Variants in RBM23 observed in about 807,000 individuals in gnomAD.
RBM23 encodes the protein RNA binding motif protein 23, also known as probable RNA-binding protein 23.
A neutral mutation model predicts 56.2 loss-of-function variants in RBM23; 53 were observed. The ratio of observed to expected loss-of-function variants is 0.94; its 90% CI spans 0.76 to 1.19. The LOEUF (loss-of-function observed/expected upper bound fraction) is 1.19, where lower values mean the gene tolerates loss of function less well. RBM23 is among the 50% of genes most tolerant of loss of function. The pLI is 0.00. For missense variants in RBM23, 642 were observed against 590.3 expected (o/e 1.09, Z -0.91); for synonymous variants, 197 against 198.5 (o/e 0.99, Z 0.06).
chr14:22,910,491 A>AGCGGTGGGG, intron 2 of RBM23, among the ~76,000 whole-genome samples: 1 of 139,308 alleles, frequency 7.2e-6, no homozygotes, highest in Non-Finnish European at 1.6e-5. Flanking sequence ...GAAAAAAGAA[A>AGCGGTGGGG]GCGGTGGGGG....
intron 4 of RBM23, 76 bp downstream of exon 4, chr14:22,908,257 G>C (rs1329242422): frequency 6.7e-7 from 1 of 1,495,600 alleles, no homozygotes; most frequent in East Asian, 2.5e-5. Flanking sequence ...CTGGCCTGAA[G>C]TGATCCTCCC....
At chr14:22,911,591 T>C in intron 1 of RBM23, 188 bp from the exon 2 acceptor site, 3 of 457,012 alleles carry the variant, frequency 6.6e-6, no homozygotes, top group Non-Finnish European at 1.2e-5. Flanking sequence ...CCTATAGATC[T>C]GAACTAGTTC....
chr14:22,907,159 G>T (rs559316867), intron 4 of RBM23, among the ~76,000 whole-genome samples: 6 of 151,062 alleles, frequency 4.0e-5, no homozygotes, highest in Non-Finnish European at 8.8e-5. Flanking sequence ...GGGCAACAGA[G>T]TGAGACTCTG....
chr14:22,908,245 T>TCCTGGCCTG (rs1447288471), intron 4 of RBM23, 88 bp downstream of exon 4: 1 of 1,441,538 alleles, frequency 6.9e-7, no homozygotes, highest in East Asian at 2.5e-5. Context: ...GGTTTTGAAC[T>TCCTGGCCTG]CCTGGCCTGA....
chr14:22,915,332 C>T (rs1315732396), intron 1 of RBM23, among the ~76,000 whole-genome samples: 8 of 152,042 alleles, frequency 5.3e-5, no homozygotes, highest in Admixed American at 5.2e-4. Flanking sequence ...TCCTGAGTAG[C>T]TGGGATTACA....
intron 10 of RBM23, 73 bp from the exon 11 acceptor site, chr14:22,902,455 T>C: frequency 1.3e-6 from 2 of 1,521,008 alleles, no homozygotes; most frequent in Non-Finnish European, 1.8e-6. Context: ...TAACACTCCC[T>C]AGTCCTACTA....
Position 22,902,291 on chromosome 14 carries a change from T to G in RBM23, c.1022A>C (p.Glu341Ala), listed in dbSNP as rs769280755. 44 of 1,614,010 alleles carry G rather than the reference T, an allele frequency of 2.7e-5. No homozygotes were observed. The highest frequency in any genetic ancestry group is 3.6e-5 in the Non-Finnish European group (43 of 1,180,040). ...GATGTCTGTGCCACCATCCAGTCGC[T>G]CAGTCACATGGCCAACCCTCATAGG... Reference protein sequence around the residue: ...GRPMRVGHVTERLDGGTDITF... With the variant: ...GRPMRVGHVTARLDGGTDITF... The change falls in exon 11 of 14, where the codon GAG becomes GCG. Residue 341 changes from glutamate to alanine, a missense_variant. Glu to Ala is a moderately radical substitution (Grantham distance 107). Transcript: ENST00000359890.
intron 1 of RBM23, among the ~76,000 whole-genome samples, chr14:22,915,460 A>T (rs1481043461): frequency 1.3e-5 from 2 of 149,384 alleles, no homozygotes; most frequent in South Asian, 4.3e-4. Context: ...CGCCCTCCCA[A>T]AGTGCTGGGA....
At chr14:22,907,968 G>A (rs889493230) in intron 4 of RBM23, among the ~76,000 whole-genome samples, 5 of 152,284 alleles carry the variant, frequency 3.3e-5, no homozygotes, top group African/African-American at 9.6e-5. Context: ...AAGAAAACTT[G>A]TAGAGTTGTA....
chr14:22,907,696 A>T (rs2041806359), intron 4 of RBM23, among the ~76,000 whole-genome samples: 1 of 152,240 alleles, frequency 6.6e-6, no homozygotes, highest in Non-Finnish European at 1.5e-5. Flanking sequence ...TATTACTTCT[A>T]CTTCGGTTAA....
chr14:22,913,050 A>C (rs1207330289), intron 1 of RBM23, among the ~76,000 whole-genome samples: 1 of 150,126 alleles, frequency 6.7e-6, no homozygotes, highest in Non-Finnish European at 1.5e-5. Flanking sequence ...ATATCAAAGA[A>C]AGCAGAAAGC....
chr14:22,911,453 C>T (rs1302218837), intron 1 of RBM23, 50 bp from the exon 2 acceptor site: 1 of 1,437,428 alleles, frequency 7.0e-7, no homozygotes, highest in African/African-American at 1.4e-5. Flanking sequence ...TTTTTCCTCC[C>T]TTTCCAGCAC....
intron 1 of RBM23, among the ~76,000 whole-genome samples, chr14:22,918,231 T>C (rs2043908394): frequency 6.6e-6 from 1 of 151,700 alleles, no homozygotes; most frequent in African/African-American, 2.4e-5. Flanking sequence ...CCCATCTCTA[T>C]TAAAAATACA....
chr14:22,908,473 ACCT>A, intron 3 of RBM23, 93 bp from the exon 4 acceptor site: 1 of 1,396,836 alleles, frequency 7.2e-7, no homozygotes, highest in Non-Finnish European at 9.6e-7. Context: ...GCTCACTGCA[ACCT>A]CCGCCTTCCA....
intron 7 of RBM23, 31 bp from the exon 8 acceptor site, chr14:22,905,277 A>C: frequency 6.2e-7 from 1 of 1,613,900 alleles, no homozygotes; most frequent in Non-Finnish European, 8.5e-7. Flanking sequence ...ATCCTGAGTT[A>C]GGCATAAAGG....
In RBM23 at chr14:22,909,559, G is replaced by A; in HGVS notation, c.103C>T (p.Pro35Ser). The change falls in exon 3 of 14, where the codon CCT becomes TCT. Residue 35 changes from proline (P) to serine (S), a missense_variant. Physicochemically the swap from Pro to Ser is moderately conservative, Grantham distance 74. Transcript: ENST00000359890. ...CTGGTGCTGCTGGTGGTATTGCTAG[G>A]ATAATCCTTTTTAACTTCTTTCCTT... The part of the protein sequence containing the change: ...QQRKEVKKDY[P>S]SNTTSSTSNS... 6.2e-7 allele frequency: 1 copy of A among 1,613,606 alleles called. No individual in the cohort carries two copies. Among genetic ancestry groups the A allele is most frequent in the Non-Finnish European group, 8.5e-7 (1 of 1,179,984 alleles).
rs775344202 is a variant in RBM23, at chr14:22,905,253, A to G, written c.574-7T>C. 1.9e-6 allele frequency: 3 copies of G among 1,614,134 alleles called. No homozygotes were observed. The highest frequency in any genetic ancestry group is 4.5e-5 in the East Asian group (2 of 44,886). ...TGATACGTACATCGCGAACCTATCC[A>G]GGACGCAAAAGAAATCCTGAGTTAG... On this transcript the variant is annotated splice_region_variant and splice_polypyrimidine_tract_variant and intron_variant, in intron 7 of 13. Transcript: ENST00000359890.
rs2138888666 is a variant in RBM23 at position 22,902,046 on chromosome 14, G to GGC, written c.1179_1180insGC (p.Gln394AlafsTer8). 6.5e-7 allele frequency: 1 copy of GGC among 1,546,498 alleles called. No individual in the cohort carries two copies. Among genetic ancestry groups the GGC allele is most frequent in the Non-Finnish European group, 8.8e-7 (1 of 1,130,950 alleles). ...CCATTCAGTTGCAAGGCAGCAGCCT[G>GGC]GGCGGCGGCGGCAGCAGCAGCAGCA... On this transcript the variant is annotated frameshift_variant, in exon 12 of 14. Coordinates refer to ENST00000359890, the MANE Select transcript of RBM23 (RefSeq NM_001077351.2). LOFTEE classifies it high-confidence loss of function.
chr14:22,908,280 A>G (rs1346748829), intron 4 of RBM23, 53 bp downstream of exon 4: 7 of 1,537,802 alleles, frequency 4.6e-6, no homozygotes, highest in African/African-American at 4.1e-5. Flanking sequence ...CTTGGCTTCC[A>G]AAGTGCTAGG....
Sources: gnomAD v4.1 joint callset for allele counts (sites outside exome capture counted in the v4.1 genomes callset) on GRCh38, gnomAD v4.1.1 for gene constraint, MANE v1.5 for transcripts, NCBI Gene and HGNC (gene_info 2026-07-23, HGNC 2026-07-21) for gene names.